The following DMXL1 variants were observed in gnomAD, a reference collection of about 807,000 sequenced individuals.
The protein encoded by DMXL1 is dmX-like protein 1.
In DMXL1, 99 loss-of-function variants were observed where a neutral mutation model predicts 319.2. That is an observed-to-expected ratio of 0.31 (90% CI 0.26 to 0.37). The LOEUF (loss-of-function observed/expected upper bound fraction) is 0.37. Among genes scored for constraint, DMXL1 ranks in the 10% least tolerant of loss-of-function variants. DMXL1 has a pLI of 1.00. For synonymous variants in DMXL1, 1,385 were observed against 1,235.2 expected, an observed-to-expected ratio of 1.12 and a Z score of -2.54; for missense variants, 3,745 against 3,595.6, an observed-to-expected ratio of 1.04 and a Z score of -1.06.
chr5:119,231,765 A>G (rs1455282090), intron 38 of DMXL1, among the ~76,000 whole-genome samples: 1 of 152,188 alleles, frequency 6.6e-6, no homozygotes, highest in Non-Finnish European at 1.5e-5. Context: ...ACAGTATTTG[A>G]TTGGTTAAGT....
chr5:119,193,327 A>T (rs564166545), intron 29 of DMXL1, among the ~76,000 whole-genome samples: 8 of 152,048 alleles, frequency 5.3e-5, no homozygotes, highest in African/African-American at 1.9e-4. Context: ...CTCTTTCCCA[A>T]ACTCTTTCTG....
chr5:119,200,064 G>T (rs1780419150), intron 32 of DMXL1, among the ~76,000 whole-genome samples: 1 of 152,092 alleles, frequency 6.6e-6, no homozygotes, highest in Non-Finnish European at 1.5e-5. Context: ...TTTTGCAGAA[G>T]CTCTTAAGTT....
chr5:119,229,480 T>C (rs1313777316), intron 38 of DMXL1, among the ~76,000 whole-genome samples: 1 of 152,122 alleles, frequency 6.6e-6, no homozygotes, highest in Non-Finnish European at 1.5e-5. Context: ...TGGCCACACA[T>C]AAAATTATTT....
intron 18 of DMXL1, among the ~76,000 whole-genome samples, chr5:119,151,148 GT>G (rs1043660202): frequency 6.6e-6 from 1 of 151,496 alleles, no homozygotes; most frequent in Non-Finnish European, 1.5e-5. Context: ...AAAACATTGA[GT>G]TTTTTTTAAA....
intron 32 of DMXL1, among the ~76,000 whole-genome samples, chr5:119,201,984 A>AGTCT (rs1011390593): frequency 6.6e-6 from 1 of 151,940 alleles, no homozygotes; most frequent in Admixed American, 6.6e-5. Flanking sequence ...TCTAGCTGGC[A>AGTCT]GTCTGTCTGT....
In DMXL1 at chr5:119,240,487, A is replaced by G. The variant is rs1164302896; in HGVS notation, c.8704+16A>G. The G allele has an allele frequency of 1.3e-6, 2 of 1,566,124 alleles. No homozygotes were observed. Among genetic ancestry groups the G allele is most frequent in the East Asian group, 2.2e-5 (1 of 44,534 alleles). ...TTAGTCCATGGTAAGTTTTCAAAGC[A>G]TTTTATAAATTTTGAAAGTCAGGAA... On this transcript the variant is annotated intron_variant, in intron 42 of 43. Coordinates refer to ENST00000539542, the MANE Select transcript of DMXL1 (RefSeq NM_001290321.3).
rs372396999 is a variant in DMXL1, at chr5:119,200,458, TC to T, written c.7745+2503del. ...GTGCCTGTTTTTGTACCAATACTGT[TC>T]TGTTTTGGTTACTGTGTTTTTGTAG... On this transcript the variant is annotated intron_variant, in intron 32 of 43. Coordinates refer to ENST00000539542, the MANE Select transcript of DMXL1 (RefSeq NM_001290321.3). Among the ~76,000 whole-genome samples the T allele has an allele frequency of 4.4e-3, 663 of 152,282 alleles. 6 individuals are homozygous for T. Among genetic ancestry groups the T allele is most frequent in the African/African-American group, 0.016 (651 of 41,564 alleles).
chr5:119,137,826 G>A (rs1029666858), intron 13 of DMXL1, among the ~76,000 whole-genome samples: 1 of 152,136 alleles, frequency 6.6e-6, no homozygotes, highest in Non-Finnish European at 1.5e-5. Context: ...ATTTATAGCA[G>A]TATGAAAATG....
At chr5:119,178,706 G>T (rs1431392273) in intron 28 of DMXL1, 10 of 954,432 alleles carry the variant, frequency 1.0e-5, no homozygotes, top group African/African-American at 1.8e-5. Flanking sequence ...ATGAGCTTTA[G>T]AAATAGGCTT....
chr5:119,193,799 T>A, intron 29 of DMXL1, 29 bp from the exon 30 acceptor site: 1 of 1,602,550 alleles, frequency 6.2e-7, no homozygotes, highest in Non-Finnish European at 8.5e-7. Context: ...GATATGTGGC[T>A]GCTAAATTTC....
chr5:119,210,536 G>T (rs563588893), intron 34 of DMXL1, among the ~76,000 whole-genome samples: 2 of 152,186 alleles, frequency 1.3e-5, no homozygotes, highest in South Asian at 2.1e-4. Flanking sequence ...TTCTTGAAAA[G>T]ATTATCTTTT....
rs1472480464 is a variant in DMXL1 at position 119,150,187 on chromosome 5, A to C, written c.4360A>C (p.Thr1454Pro). ...DELFQTQLLMTDTHMLETDEE... is the reference protein window; with the variant it reads ...DELFQTQLLMPDTHMLETDEE... ...GCTTTTTCAGACTCAACTTCTAATG[A>C]CTGATACTCATATGTTAGAGACAGA... Residue 1454 changes from threonine (T) to proline (P), a missense_variant, in exon 18 of 44, where the codon ACT becomes CCT. Thr to Pro is a conservative substitution (Grantham distance 38, BLOSUM62 -1). Around this residue, in one of 4 missense-constraint regions of DMXL1, gnomAD observed 2,096 missense variants for 1,985.4 expected, o/e 1.06. Transcript: ENST00000539542. 17 of 1,613,700 alleles carry C rather than the reference A, an allele frequency of 1.1e-5. No individual in the cohort carries two copies. The highest frequency in any genetic ancestry group is 1.4e-5 in the Non-Finnish European group (16 of 1,179,856).
At chr5:119,165,144 T>C in intron 20 of DMXL1, 39 bp from the exon 21 acceptor site, 1 of 1,270,008 alleles carries the variant, frequency 7.9e-7, no homozygotes, top group Non-Finnish European at 1.1e-6. Context: ...TGTTCAAAAC[T>C]GTTTCTGTGA....
At chr5:119,110,852 A>G (rs1051707110) in intron 5 of DMXL1, among the ~76,000 whole-genome samples, 1 of 152,184 alleles carries the variant, frequency 6.6e-6, no homozygotes, top group African/African-American at 2.4e-5. Flanking sequence ...GAGTGCAATG[A>G]TGTGAGGCTT....
intron 36 of DMXL1, 43 bp downstream of exon 36, chr5:119,220,636 A>T: frequency 6.3e-7 from 1 of 1,597,126 alleles, no homozygotes. Context: ...TTGCAATATG[A>T]GTGACTATAT....
At chr5:119,142,046 A>G (rs901026020) in intron 13 of DMXL1, among the ~76,000 whole-genome samples, 1 of 152,194 alleles carries the variant, frequency 6.6e-6, no homozygotes, top group African/African-American at 2.4e-5. Flanking sequence ...TGCTGGCAGA[A>G]TTGGCTAGCC....
At chr5:119,133,041 A>G (rs1765279159) in intron 10 of DMXL1, 91 bp from the exon 11 acceptor site, 2 of 1,415,748 alleles carry the variant, frequency 1.4e-6, no homozygotes, top group South Asian at 1.4e-5. Context: ...TGAGATCTCC[A>G]TGTGTTCAGC....
Position 119,147,465 on chromosome 5 carries a change from C to T in DMXL1, c.2906C>T (p.Ser969Leu). The T allele has an allele frequency of 1.2e-6, 2 of 1,609,550 alleles. No homozygotes were observed. The highest frequency in any genetic ancestry group is 1.7e-5 in the Admixed American group (1 of 59,654). Residue 969 changes from serine to leucine, a missense_variant, in exon 17 of 44, where the codon TCA (serine) becomes TTA (leucine). Physicochemically the swap from Ser to Leu is moderately radical, Grantham distance 145. Transcript: ENST00000539542. ...GTTGAGATAATAAGTATTAAGCCATCAGCAGGTTTGTAAATTTTATGAAAA... is the reference window on the plus strand; with the variant it reads ...GTTGAGATAATAAGTATTAAGCCATTAGCAGGTTTGTAAATTTTATGAAAA... Reference protein sequence around the residue: ...EGVEIISIKPSAGHLSSSSIY... With the variant: ...EGVEIISIKPLAGHLSSSSIY...
At chr5:119,239,727 G>A (rs1442504132) in intron 41 of DMXL1, among the ~76,000 whole-genome samples, 1 of 152,056 alleles carries the variant, frequency 6.6e-6, no homozygotes, top group Non-Finnish European at 1.5e-5. Context: ...AGGCCGAGGT[G>A]GGCGGATCAC....
Sources: allele counts gnomAD v4.1 joint callset (sites outside exome capture counted in the v4.1 genomes callset), GRCh38; gene constraint gnomAD v4.1.1; regional missense constraint gnomAD v4.1.1; transcripts MANE v1.5; gene names NCBI Gene and HGNC (gene_info 2026-07-23, HGNC 2026-07-21).